Variants in DAG1 observed in about 807,000 individuals in gnomAD.
DAG1 encodes dystroglycan 1, also known as dystroglycan 1 (dystrophin-associated glycoprotein 1).
DAG1 carries 8 observed loss-of-function variants against 46.1 expected under a neutral mutation model. The observed-to-expected ratio is 0.17, with a 90% CI of 0.10 to 0.31. The LOEUF (loss-of-function observed/expected upper bound fraction) is 0.31, where lower values mean the gene tolerates loss of function less well. DAG1 is among the 10% of genes least tolerant of loss of function. The pLI is 1.00. For missense variants in DAG1, 1,003 were observed against 1,189.9 expected, an observed-to-expected ratio of 0.84 and a Z score of 2.31; for synonymous variants, 495 against 481.8, an observed-to-expected ratio of 1.03 and a Z score of -0.36.
intron 1 of DAG1, among the ~76,000 whole-genome samples, chr3:49,505,514 G>T (rs1274095629): frequency 6.6e-6 from 1 of 152,096 alleles, no homozygotes; most frequent in African/African-American, 2.4e-5. Context: ...ATTGATTTTT[G>T]AATGTTTTTG....
rs886042920 is a variant in DAG1 at position 49,532,386 on chromosome 3, G to A, written c.1875G>A (p.Lys625=). 8 of 1,614,084 alleles carry A rather than the reference G, an allele frequency of 5.0e-6. No individual in the cohort carries two copies. Among genetic ancestry groups the A allele is most frequent in the Non-Finnish European group, 6.8e-6 (8 of 1,180,054 alleles). ...DPALVLNDIH[K]KIALVKKLAF... ...CACTGGTGTTGAATGACATCCACAAGAAGATTGCCTTGGTAAAGAAACTGG... is the reference window on the plus strand; with the variant it reads ...CACTGGTGTTGAATGACATCCACAAAAAGATTGCCTTGGTAAAGAAACTGG... Residue 625 remains lysine, a synonymous_variant, in exon 3 of 3, where the codon AAG becomes AAA. Transcript: ENST00000308775. This position sits in a 1 kb window ranked among gnomAD's most constrained non-coding sequence, Gnocchi z 5.4.
intron 1 of DAG1, among the ~76,000 whole-genome samples, chr3:49,503,386 G>C (rs557186663): frequency 1.3e-5 from 2 of 152,230 alleles, no homozygotes; most frequent in Non-Finnish European, 2.9e-5. Flanking sequence ...ATTACTTGTT[G>C]GTTCGTTCTT....
In DAG1 at chr3:49,523,734, C is replaced by A. The variant is rs566999789; in HGVS notation, c.286-7063C>A. Among the ~76,000 whole-genome samples, 4 of 152,282 alleles carry A rather than the reference C, an allele frequency of 2.6e-5. No homozygotes were observed. The East Asian group carries it at 7.7e-4, about 29-fold the overall frequency. ...TTGTGCAGTAGCCTCAAATTACTTA[C>A]TGGTTCTTCTCAGAGCCCATGGGAG... On this transcript the variant is annotated intron_variant, in intron 2 of 2. Coordinates refer to ENST00000308775, the MANE Select transcript of DAG1 (RefSeq NM_004393.6).
chr3:49,497,521 A>G (rs1241914137), intron 1 of DAG1, among the ~76,000 whole-genome samples: 1 of 152,048 alleles, frequency 6.6e-6, no homozygotes, highest in Non-Finnish European at 1.5e-5. Context: ...CTGAGGCAGA[A>G]GGATCACTTG....
Position 49,531,062 on chromosome 3 carries a change from C to A in DAG1, c.551C>A (p.Ala184Glu), listed in dbSNP as rs1431924829. 6.2e-7 allele frequency: 1 copy of A among 1,614,186 alleles called. No individual in the cohort carries two copies. Among genetic ancestry groups the A allele is most frequent in the Non-Finnish European group, 8.5e-7 (1 of 1,180,034 alleles). Residue 184 changes from alanine to glutamate, a missense_variant, in exon 3 of 3, where the codon GCG becomes GAG. Physicochemically the swap from Ala to Glu is moderately radical, Grantham distance 107. Coordinates refer to ENST00000308775, the MANE Select transcript of DAG1 (RefSeq NM_004393.6). The surrounding 1 kb of genome is among the most constrained non-coding windows in gnomAD (Gnocchi z 7.0). ...GAGGTGGTATCATCTGCCTGTGCTGCGGATGAACCTGTGACTGTTTTGACG... is the reference window on the plus strand; with the variant it reads ...GAGGTGGTATCATCTGCCTGTGCTGAGGATGAACCTGTGACTGTTTTGACG... ...PGEVVSSACAADEPVTVLTVI... is the reference protein window; with the variant it reads ...PGEVVSSACAEDEPVTVLTVI...
intron 1 of DAG1, among the ~76,000 whole-genome samples, chr3:49,503,174 C>G (rs17080630): frequency 0.027 from 4,080 of 152,242 alleles, 172 homozygotes; most frequent in African/African-American, 0.093. Flanking sequence ...TGAGTCTTCT[C>G]CAGGGTGCTA....
rs1432736138 is a variant in DAG1 at position 49,522,224 on chromosome 3, G to C, written c.286-8573G>C. 3.9e-5 allele frequency among the ~76,000 whole-genome samples: 6 copies of C among 151,980 alleles called. No individual in the cohort carries two copies. In the East Asian group the frequency reaches 1.2e-3, roughly 29 times the overall value. ...TTTTTGTATTTTTAGTAGAGATGGG[G>C]TTTCACCATGTTGGCCAGGCTGGTC... On this transcript the variant is annotated intron_variant, in intron 2 of 2. Transcript: ENST00000308775.
chr3:49,475,178 C>T (rs573712748), intron 1 of DAG1, among the ~76,000 whole-genome samples: 10 of 150,364 alleles, frequency 6.7e-5, no homozygotes, highest in Admixed American at 5.3e-4. Context: ...GATATTGGTT[C>T]ACTGCAACCT....
intron 1 of DAG1, among the ~76,000 whole-genome samples, chr3:49,475,994 C>T (rs150072268): frequency 1.2e-3 from 186 of 152,076 alleles, no homozygotes; most frequent in Middle Eastern, 3.4e-3. Flanking sequence ...GGATTACAGG[C>T]ATGAGCCACT....
At chr3:49,508,784 C>T (rs2107626943) in intron 1 of DAG1, among the ~76,000 whole-genome samples, 1 of 152,340 alleles carries the variant, frequency 6.6e-6, no homozygotes, top group African/African-American at 2.4e-5. Flanking sequence ...CTGTCTCAGC[C>T]TCCCAAAGTG....
At chr3:49,513,927 T>C (rs2050827142) in intron 2 of DAG1, among the ~76,000 whole-genome samples, 1 of 152,148 alleles carries the variant, frequency 6.6e-6, no homozygotes, top group Non-Finnish European at 1.5e-5. Context: ...CATTGGAATG[T>C]TTTACGTGGA....
At chr3:49,524,840 C>T (rs1195322143) in intron 2 of DAG1, among the ~76,000 whole-genome samples, 3 of 152,010 alleles carry the variant, frequency 2.0e-5, no homozygotes, top group Non-Finnish European at 4.4e-5. Flanking sequence ...ACACAAAATA[C>T]CCGGGCACGT....
At chr3:49,473,799 A>C (rs1335277130) in intron 1 of DAG1, among the ~76,000 whole-genome samples, 3 of 150,900 alleles carry the variant, frequency 2.0e-5, no homozygotes, top group African/African-American at 7.3e-5. Context: ...GGCCAGCCTA[A>C]TCTTGAACTC....
intron 1 of DAG1, among the ~76,000 whole-genome samples, chr3:49,484,173 T>C (rs2049955867): frequency 6.6e-6 from 1 of 152,258 alleles, no homozygotes; most frequent in East Asian, 1.9e-4. Context: ...ACCTAGAAAA[T>C]AGAATAATAT....
rs755602029 is a variant in DAG1 at position 49,531,799 on chromosome 3, T to C, written c.1288T>C (p.Ser430Pro). The C allele has an allele frequency of 2.5e-6, 4 of 1,612,362 alleles. No homozygotes were observed. The highest frequency in any genetic ancestry group is 3.4e-6 in the Non-Finnish European group (4 of 1,179,594). ...AACCACCACCAAGAAGCCACGAGTA[T>C]CCACACCAAAACCAGCAACGCCTTC... ...PTTTTKKPRV[S>P]TPKPATPSTD... The change falls in exon 3 of 3, where the codon TCC (serine) becomes CCC (proline). Residue 430 changes from serine (S) to proline (P), a missense_variant. Ser to Pro is a moderately conservative substitution (Grantham distance 74). Transcript: ENST00000308775. This position sits in a 1 kb window ranked among gnomAD's most constrained non-coding sequence, Gnocchi z 7.0.
In DAG1 at chr3:49,530,793, C is replaced by G. The variant is rs759502746; in HGVS notation, c.286-4C>G. 23 of 1,614,188 alleles carry G rather than the reference C, an allele frequency of 1.4e-5. No homozygotes were observed. The highest frequency in any genetic ancestry group is 1.9e-5 in the Non-Finnish European group (22 of 1,180,014). On this transcript the variant is annotated splice_region_variant and splice_polypyrimidine_tract_variant and intron_variant, in intron 2 of 2. Coordinates refer to ENST00000308775, the MANE Select transcript of DAG1 (RefSeq NM_004393.6). Reference sequence around the variant, plus strand: ...TTTTTAATTTATGCTTGTGTCTCTTCTAGGTATCAGCGGCAGGGAAGGAGG... The same window carrying G: ...TTTTTAATTTATGCTTGTGTCTCTTGTAGGTATCAGCGGCAGGGAAGGAGG...
At position 49,481,172 on chromosome 3, in the gene DAG1, A is replaced by G. The variant is rs1314220741; in HGVS notation, c.-117+10739A>G. Among the ~76,000 whole-genome samples the G allele has an allele frequency of 8.1e-5, 12 of 147,820 alleles. No homozygotes were observed. The South Asian group carries it at 2.2e-3, about 27-fold the overall frequency. On this transcript the variant is annotated intron_variant, in intron 1 of 2. Transcript: ENST00000308775. ...TGGGAGGCTGAGGCGGGCGGATCAC[A>G]AGGTCAGGAGATGGAGACCGTCCTG...
chr3:49,506,736 C>T (rs932700274), intron 1 of DAG1, among the ~76,000 whole-genome samples: 1 of 152,018 alleles, frequency 6.6e-6, no homozygotes, highest in Admixed American at 6.6e-5. Context: ...ACTTTCGTGT[C>T]TGTTTTCATG....
rs543023380 is a variant in DAG1, at chr3:49,472,579, G to A, written c.-117+2146G>A. 2.2e-3 allele frequency among the ~76,000 whole-genome samples: 335 copies of A among 152,076 alleles called. 2 individuals are homozygous for A. Among genetic ancestry groups the A allele is most frequent in the Admixed American group, 0.01 (155 of 15,264 alleles). On this transcript the variant is annotated intron_variant, in intron 1 of 2. Transcript: ENST00000308775. The stretch of plus-strand genomic sequence containing the variant: ...TCCCAGCAGTTTGGGAGGCCGAGGC[G>A]GGCGGATCACGAGGTCAGGAGATCG...
Sources: gnomAD v4.1 joint callset for allele counts (sites outside exome capture counted in the v4.1 genomes callset) on GRCh38, gnomAD v4.1.1 for gene constraint, Gnocchi (gnomAD v3.1) non-coding constraint, MANE v1.5 for transcripts, NCBI Gene and HGNC (gene_info 2026-07-23, HGNC 2026-07-21) for gene names.